FHIT: variants seen among roughly 807,000 people sequenced by gnomAD.
FHIT encodes bis(5'-adenosyl)-triphosphatase.
A neutral mutation model predicts 17.9 loss-of-function variants in FHIT; 19 were observed. The ratio of observed to expected loss-of-function variants is 1.06; its 90% CI spans 0.74 to 1.56. The LOEUF (loss-of-function observed/expected upper bound fraction) is 1.56, where lower values mean the gene tolerates loss of function less well. FHIT is among the 40% of genes most tolerant of loss of function. The probability of loss-of-function intolerance (pLI) is 0.00; values close to 1 mark genes in which losing one functional copy is unlikely to be tolerated. For synonymous variants in FHIT, 81 were observed against 69.7 expected (o/e 1.16, Z -0.81); for missense variants, 248 against 189.2 (o/e 1.31, Z -1.82).
intron 4 of FHIT, among the ~76,000 whole-genome samples, chr3:60,758,457 C>T (rs1361058285): frequency 6.6e-6 from 1 of 152,162 alleles, no homozygotes; most frequent in East Asian, 1.9e-4. Context: ...CCTTGAGTAA[C>T]ATTCTGTTTA....
chr3:60,097,887 C>A (rs1387404412), intron 5 of FHIT, among the ~76,000 whole-genome samples: 3 of 134,602 alleles, frequency 2.2e-5, no homozygotes, highest in East Asian at 4.6e-4. Flanking sequence ...ACAACAGGCC[C>A]CGGTGTGTGA....
At chr3:60,130,811 G>T (rs1699527229) in intron 5 of FHIT, among the ~76,000 whole-genome samples, 1 of 149,350 alleles carries the variant, frequency 6.7e-6, no homozygotes, top group Non-Finnish European at 1.5e-5. Flanking sequence ...ATATATATGT[G>T]TGTATGTGTG....
intron 5 of FHIT, among the ~76,000 whole-genome samples, chr3:60,459,136 T>C (rs920065636): frequency 6.6e-6 from 1 of 152,174 alleles, no homozygotes; most frequent in African/African-American, 2.4e-5. Flanking sequence ...TTAGATGTCA[T>C]ACTCAATTCT....
At chr3:61,022,906 C>T (rs1367267683) in intron 3 of FHIT, among the ~76,000 whole-genome samples, 1 of 152,188 alleles carries the variant, frequency 6.6e-6, no homozygotes, top group African/African-American at 2.4e-5. Context: ...TGAGCAAAAG[C>T]TGGAAGCATT....
intron 7 of FHIT, among the ~76,000 whole-genome samples, chr3:60,004,204 T>G (rs1699835109): frequency 6.6e-6 from 1 of 152,132 alleles, no homozygotes; most frequent in African/African-American, 2.4e-5. Context: ...GACTTCACAG[T>G]GATTAAGTAG....
chr3:61,049,997 C>T (rs1312339254), intron 2 of FHIT, among the ~76,000 whole-genome samples: 1 of 152,156 alleles, frequency 6.6e-6, no homozygotes, highest in Non-Finnish European at 1.5e-5. Flanking sequence ...CATTAGATCA[C>T]ACTCCCAATC....
chr3:60,862,167 T>C (rs1553752823), intron 3 of FHIT, among the ~76,000 whole-genome samples: 1 of 151,466 alleles, frequency 6.6e-6, no homozygotes, highest in African/African-American at 2.4e-5. Context: ...AATATGGAGT[T>C]TTTTGTTTTT....
At chr3:60,323,660 G>A (rs929864510) in intron 5 of FHIT, among the ~76,000 whole-genome samples, 4 of 152,120 alleles carry the variant, frequency 2.6e-5, no homozygotes, top group African/African-American at 7.2e-5. Context: ...CTATCATTCC[G>A]GTCTGTCTTC....
At chr3:60,973,678 C>A (rs113700774) in intron 3 of FHIT, among the ~76,000 whole-genome samples, 2,861 of 152,232 alleles carry the variant, frequency 0.019, 92 homozygotes, top group African/African-American at 0.065. Context: ...GTCACATTCT[C>A]ATCATTTTGG....
intron 8 of FHIT, among the ~76,000 whole-genome samples, chr3:59,857,508 CTT>C (rs1338537406): frequency 6.8e-6 from 1 of 147,000 alleles, no homozygotes; most frequent in African/African-American, 2.6e-5. Context: ...CCAATAATCT[CTT>C]TCATATTTTC....
At chr3:60,207,028 A>T (rs980631500) in intron 5 of FHIT, among the ~76,000 whole-genome samples, 4 of 152,156 alleles carry the variant, frequency 2.6e-5, no homozygotes, top group Non-Finnish European at 4.4e-5. Flanking sequence ...AGTGGGATGA[A>T]AGTGATCTTT....
intron 3 of FHIT, among the ~76,000 whole-genome samples, chr3:60,916,825 A>G (rs1219906459): frequency 2.0e-5 from 3 of 152,232 alleles, no homozygotes; most frequent in Non-Finnish European, 4.4e-5. Context: ...CTATAATAGC[A>G]TGCAGTAGTC....
At chr3:61,023,037 G>T (rs2032538860) in intron 3 of FHIT, among the ~76,000 whole-genome samples, 2 of 152,170 alleles carry the variant, frequency 1.3e-5, no homozygotes, top group Non-Finnish European at 2.9e-5. Flanking sequence ...CAAATAGGAA[G>T]AGAGGAAGTC....
intron 3 of FHIT, among the ~76,000 whole-genome samples, chr3:60,887,953 C>G (rs552547538): frequency 2.0e-5 from 3 of 152,326 alleles, no homozygotes; most frequent in East Asian, 3.9e-4. Flanking sequence ...GCTAAAAGGA[C>G]TCTTAGTGAA....
At position 60,717,086 on chromosome 3, in the gene FHIT, A is replaced by G. The variant is rs182488752; in HGVS notation, c.-18+104833T>C. On this transcript the variant is annotated intron_variant, in intron 4 of 9. Coordinates refer to ENST00000492590, the MANE Select transcript of FHIT (RefSeq NM_002012.4). ...ATGATCTCACTTATATGTAGAATCT[A>G]AAAAAGTTAAATTCATAGAAGCAGG... 7.6e-4 allele frequency among the ~76,000 whole-genome samples: 116 copies of G among 152,330 alleles called. 1 individual carries two copies. The highest frequency in any genetic ancestry group is 1.4e-3 in the Non-Finnish European group (93 of 68,034).
chr3:60,480,876 T>A (rs1027747304), intron 5 of FHIT, among the ~76,000 whole-genome samples: 1 of 152,208 alleles, frequency 6.6e-6, no homozygotes, highest in Non-Finnish European at 1.5e-5. Flanking sequence ...TTGGTGGATC[T>A]ACCATTCTGG....
chr3:60,847,219 A>T (rs192040945), intron 3 of FHIT, among the ~76,000 whole-genome samples: 1 of 152,338 alleles, frequency 6.6e-6, no homozygotes, highest in East Asian at 1.9e-4. Context: ...CTCTTGTTTC[A>T]TCAGACCCAC....
chr3:60,773,902 G>A (rs1449005252), intron 4 of FHIT, among the ~76,000 whole-genome samples: 1 of 152,150 alleles, frequency 6.6e-6, no homozygotes, highest in African/African-American at 2.4e-5. Flanking sequence ...TCATCTTCTT[G>A]ATTAGTATTT....
intron 5 of FHIT, among the ~76,000 whole-genome samples, chr3:60,455,428 C>T (rs965140641): frequency 5.3e-5 from 8 of 152,132 alleles, no homozygotes; most frequent in Non-Finnish European, 1.0e-4. Context: ...AAGATGAAAG[C>T]AACTTGCCTA....
Sources: gnomAD v4.1 joint callset for allele counts (sites outside exome capture counted in the v4.1 genomes callset) on GRCh38, gnomAD v4.1.1 for gene constraint, MANE v1.5 for transcripts, NCBI Gene and HGNC (gene_info 2026-07-23, HGNC 2026-07-21) for gene names.